LPIN1: variants seen among roughly 807,000 people sequenced by gnomAD.
LPIN1 encodes phosphatidate phosphatase LPIN1.
In LPIN1, 71 loss-of-function variants were observed where a neutral mutation model predicts 107.5. The ratio of observed to expected loss-of-function variants is 0.66; its 90% CI spans 0.55 to 0.80. The LOEUF is 0.80. LPIN1 is among the 30% of genes least tolerant of loss of function. The pLI is 0.00. For synonymous variants in LPIN1, 445 were observed against 452.6 expected, an observed-to-expected ratio of 0.98 and a Z score of 0.21; for missense variants, 1,043 against 1,160.6, an observed-to-expected ratio of 0.90 and a Z score of 1.47.
chr2:11,767,562 C>A (rs116641571), intron 2 of LPIN1: 5 of 614,726 alleles, frequency 8.1e-6, no homozygotes, highest in African/African-American at 3.7e-5. Context: ...TGGTCAGGGA[C>A]CTGCCCTCCC....
rs757007907 is a variant in LPIN1 at position 11,779,616 on chromosome 2, C to T, written c.928C>T (p.Leu310=). The T allele has an allele frequency of 1.0e-4, 166 of 1,614,128 alleles. No individual in the cohort carries two copies. Among genetic ancestry groups the T allele is most frequent in the Middle Eastern group, 1.7e-4 (1 of 6,056 alleles). Residue 310 remains leucine, a synonymous_variant, in exon 7 of 21, where the codon CTG becomes TTG. Transcript: ENST00000674199. Reference sequence around the variant, plus strand: ...GCAGAAGAACCCAGAAATGCTTTGGCTGTGGGGAGAGCTGCCGCAGGCTGC... The same window carrying T: ...GCAGAAGAACCCAGAAATGCTTTGGTTGTGGGGAGAGCTGCCGCAGGCTGC... ...TGQKNPEMLW[L]WGELPQAAKS... is the part of the protein sequence containing the mutation.
rs796386676 is a variant in LPIN1, at chr2:11,680,352, C to T, written c.81+2624C>T. ...TGTTGGCCATGGCCATTCCCAGAGA[C>T]TCTGGGCTTGGTCTCTGCGCCACAA... On this transcript the variant is annotated intron_variant, in intron 1 of 21. Coordinates refer to the LPIN1 transcript ENST00000449576. 6.4e-4 allele frequency among the ~76,000 whole-genome samples: 98 copies of T among 152,328 alleles called. 1 individual carries two copies. Among genetic ancestry groups the T allele is most frequent in the African/African-American group, 2.3e-3 (97 of 41,574 alleles).
chr2:11,753,025 A>G lies in LPIN1; in HGVS notation c.-10+6354A>G, dbSNP rs199534582. 6.6e-5 allele frequency among the ~76,000 whole-genome samples: 10 copies of G among 152,050 alleles called. No individual in the cohort carries two copies. In the East Asian group the frequency reaches 1.9e-3, roughly 29 times the overall value. On this transcript the variant is annotated intron_variant, in intron 1 of 20. Transcript: ENST00000674199. ...GAAATTGCGGTCGTGAATGCTTTGG[A>G]GCGTCTGCTGTGTGCTGGAGTTCTA...
rs562607564 is a variant in LPIN1, at chr2:11,705,799, A to T, written c.82-7957A>T. 1.0e-3 allele frequency among the ~76,000 whole-genome samples: 154 copies of T among 152,286 alleles called. 2 individuals are homozygous for T. The highest frequency in any genetic ancestry group is 3.5e-3 in the African/African-American group (144 of 41,554). ...CATGCTTTTTTTATATTTACTTCTA[A>T]AAGCAGTGGGAAGTTATATAATGGC... On this transcript the variant is annotated intron_variant, in intron 1 of 21. Coordinates refer to the LPIN1 transcript ENST00000449576.
intron 1 of LPIN1, among the ~76,000 whole-genome samples, chr2:11,702,176 G>A (rs966574930): frequency 1.3e-5 from 2 of 152,222 alleles, no homozygotes; most frequent in African/African-American, 4.8e-5. Flanking sequence ...GGTTGGTCAC[G>A]AGGCAGAGAG....
chr2:11,815,046 A>G lies in LPIN1; in HGVS notation c.2250-42A>G, dbSNP rs755757931. 34 of 1,595,990 alleles carry G rather than the reference A, an allele frequency of 2.1e-5. No homozygotes were observed. In the Admixed American group the frequency reaches 4.7e-4, roughly 22 times the overall value. ...GGATTTATGAATGCAGAAAGGTTCCATTTTCTGATGCCATGAAATGTGAAT... is the reference window on the plus strand; with the variant it reads ...GGATTTATGAATGCAGAAAGGTTCCGTTTTCTGATGCCATGAAATGTGAAT... On this transcript the variant is annotated intron_variant, in intron 17 of 20. Coordinates refer to ENST00000674199, the MANE Select transcript of LPIN1 (RefSeq NM_001349206.2).
rs1317590191 is a variant in LPIN1 at position 11,765,387 on chromosome 2, G to C, written c.-9-146G>C. 2.8e-6 allele frequency: 2 copies of C among 725,662 alleles called. No homozygotes were observed. Among genetic ancestry groups the C allele is most frequent in the Admixed American group, 5.2e-5 (2 of 38,554 alleles). The allele number at this position is 725,662 out of a possible 1,614,324, so 45.0% of individuals were successfully genotyped here. A position where few individuals can be genotyped will look rare whatever the true frequency, so the allele number is the denominator to read the frequency against. On this transcript the variant is annotated intron_variant, in intron 1 of 20. Coordinates refer to ENST00000674199, the MANE Select transcript of LPIN1 (RefSeq NM_001349206.2). The surrounding 1 kb of genome is among the most constrained non-coding windows in gnomAD (Gnocchi z 4.4). The stretch of plus-strand genomic sequence containing the variant: ...CTGATGGACCCTGATGGGCTATGGG[G>C]GTGGATAGAACACATTCCGGAAATG...
rs191122460 is a variant in LPIN1, at chr2:11,687,677, C to A, written c.81+9949C>A. Among the ~76,000 whole-genome samples, 1,183 of 152,356 alleles carry A rather than the reference C, an allele frequency of 7.8e-3. 3 individuals carry two copies. Among genetic ancestry groups the A allele is most frequent in the Non-Finnish European group, 0.011 (773 of 68,028 alleles). On this transcript the variant is annotated intron_variant, in intron 1 of 21. Transcript: ENST00000449576. ...CTGCAATACATTTGTAGCAATGACA[C>A]CTTCCCCATAGGGCTGTCCATAGAC...
intron 1 of LPIN1, among the ~76,000 whole-genome samples, chr2:11,700,689 C>A (rs1417449668): frequency 6.6e-6 from 1 of 152,170 alleles, no homozygotes; most frequent in Non-Finnish European, 1.5e-5. Flanking sequence ...CTGTATGAAG[C>A]CGCTCTGAGC....
At chr2:11,821,571 C>G (rs1024717299) in intron 20 of LPIN1, among the ~76,000 whole-genome samples, 6 of 152,190 alleles carry the variant, frequency 3.9e-5, no homozygotes, top group Admixed American at 3.9e-4. Flanking sequence ...AGGGGTTCCT[C>G]TTTATCTGGA....
chr2:11,719,791 CTTTTTTT>C (rs67142448), upstream of LPIN1, among the ~76,000 whole-genome samples: 1 of 132,808 alleles, frequency 7.5e-6, no homozygotes, highest in Admixed American at 7.8e-5. Flanking sequence ...CCAATTGCTT[CTTTTTTT>C]TTTTTTTTTT....
chr2:11,746,455 A>C (rs1008566739), upstream of LPIN1: 1 of 163,130 alleles, frequency 6.1e-6, no homozygotes, highest in African/African-American at 2.4e-5. Context: ...CAGGAACGCT[A>C]AGATAGGCGG....
At chr2:11,716,162 G>T (rs1247695489) in intron 2 of LPIN1, among the ~76,000 whole-genome samples, 1 of 152,174 alleles carries the variant, frequency 6.6e-6, no homozygotes, top group East Asian at 1.9e-4. Context: ...TGCGGATCAG[G>T]TGTGCAAGGT....
intron 1 of LPIN1, among the ~76,000 whole-genome samples, chr2:11,752,757 A>G (rs1368294514): frequency 6.6e-6 from 1 of 152,130 alleles, no homozygotes; most frequent in Non-Finnish European, 1.5e-5. Context: ...ACTGACCTTA[A>G]TCTTCTAGAG....
intron 14 of LPIN1, among the ~76,000 whole-genome samples, chr2:11,796,968 A>C (rs1676833051): frequency 1.3e-5 from 2 of 152,214 alleles, no homozygotes; most frequent in African/African-American, 4.8e-5. Context: ...CAAAGGTGCC[A>C]GTGCCACCGT....
chr2:11,741,984 C>G (rs1666411224), upstream of LPIN1: 1 of 151,996 alleles, frequency 6.6e-6, no homozygotes. Flanking sequence ...TATCTGGATC[C>G]CAATATATCT....
At chr2:11,819,035 TACACACATACAC>T in intron 18 of LPIN1, 1 of 143,662 alleles carries the variant, frequency 7.0e-6, no homozygotes, top group African/African-American at 2.9e-5. Context: ...ACAATTTGTA[TACACACATACAC>T]ACACACACAC....
rs553413126 is a variant in LPIN1, at chr2:11,703,714, A to G, written c.82-10042A>G. Among the ~76,000 whole-genome samples the G allele has an allele frequency of 7.2e-5, 11 of 152,290 alleles. No individual in the cohort carries two copies. The South Asian group carries it at 2.1e-3, about 29-fold the overall frequency. ...TACAAATACATAGATGCAGTTACAC[A>G]CAGAAACACACAAACTAGACCTGCC... On this transcript the variant is annotated intron_variant, in intron 1 of 21. Coordinates refer to the LPIN1 transcript ENST00000449576.
At chr2:11,779,809 C>T (rs1477965886) in intron 7 of LPIN1, among the ~76,000 whole-genome samples, 164 bp downstream of exon 7, 1 of 152,096 alleles carries the variant, frequency 6.6e-6, no homozygotes, top group Admixed American at 6.5e-5. Context: ...CTTTCTTCCA[C>T]GTTACCAACA....
Sources: allele counts gnomAD v4.1 joint callset (sites outside exome capture counted in the v4.1 genomes callset), GRCh38; gene constraint gnomAD v4.1.1; non-coding constraint Gnocchi (gnomAD v3.1); transcripts MANE v1.5; gene names NCBI Gene and HGNC (gene_info 2026-07-23, HGNC 2026-07-21).